The following MAEA variants were observed in gnomAD, a reference collection of about 807,000 sequenced individuals.
The protein encoded by MAEA is E3 ubiquitin-protein transferase MAEA.
MAEA carries 22 observed loss-of-function variants against 46.2 expected under a neutral mutation model. The observed-to-expected ratio is 0.48, with a 90% CI of 0.34 to 0.68. The LOEUF is 0.68. MAEA is among the 30% of genes least tolerant of loss of function. The pLI is 0.01. For synonymous variants in MAEA, 246 were observed against 222.6 expected (o/e 1.11, Z -0.94); for missense variants, 393 against 558.1 (o/e 0.70, Z 2.98).
chr4:1,334,785 C>A, intron 6 of MAEA: 1 of 790,896 alleles, frequency 1.3e-6, no homozygotes, highest in Non-Finnish European at 1.5e-6. Context: ...CAGAAGCCAC[C>A]AGAAGCCCAG....
chr4:1,336,784 C>T, intron 6 of MAEA, 77 bp from the exon 7 acceptor site: 1 of 1,462,836 alleles, frequency 6.8e-7, no homozygotes. Flanking sequence ...ACCTGCTTCA[C>T]CATGGTCCAC....
At chr4:1,293,230 A>G (rs1734293205) in intron 1 of MAEA, among the ~76,000 whole-genome samples, 1 of 151,562 alleles carries the variant, frequency 6.6e-6, no homozygotes, top group South Asian at 2.1e-4. Flanking sequence ...TTCTGATTAT[A>G]AAAGTAATTT....
At chr4:1,328,657 AC>A in intron 5 of MAEA, 1 of 1,278,576 alleles carries the variant, frequency 7.8e-7, no homozygotes, top group South Asian at 1.3e-5. Flanking sequence ...CGAGTGTTCC[AC>A]AGAAGGCCCA....
chr4:1,310,690 T>A (rs1187541928), intron 1 of MAEA, among the ~76,000 whole-genome samples: 2 of 152,224 alleles, frequency 1.3e-5, no homozygotes, highest in African/African-American at 4.8e-5. Context: ...GTGTGCACCC[T>A]GTCACCCGCG....
chr4:1,336,807 TC>T lies in MAEA; in HGVS notation c.766-51del, dbSNP rs139049835. 6,585 of 1,578,148 alleles carry T rather than the reference TC, an allele frequency of 4.2e-3. 198 individuals are homozygous for T. In the African/African-American group the frequency reaches 0.072, roughly 17 times the overall value. ...CACCATGGTCCACGTTTTTAAGCTG[TC>T]CCAGGAGCTTCCCTGGGAGCATCCC... On this transcript the variant is annotated intron_variant, in intron 6 of 8. Transcript: ENST00000303400.
At chr4:1,310,195 G>C (rs1460595197) in intron 1 of MAEA, among the ~76,000 whole-genome samples, 1 of 152,222 alleles carries the variant, frequency 6.6e-6, no homozygotes, top group Non-Finnish European at 1.5e-5. Flanking sequence ...TCCAGTGGGA[G>C]AGTCCTGCAG....
At chr4:1,334,461 G>A (rs1315659902) in intron 6 of MAEA, among the ~76,000 whole-genome samples, 2 of 152,198 alleles carry the variant, frequency 1.3e-5, no homozygotes, top group Non-Finnish European at 2.9e-5. Context: ...GATCTTCAGG[G>A]GTGGGGTCTG....
At chr4:1,329,080 G>C in intron 5 of MAEA, 4 of 985,798 alleles carry the variant, frequency 4.1e-6, no homozygotes, top group Non-Finnish European at 4.8e-6. Flanking sequence ...GTCTCCTTGA[G>C]GGCCCCGGCC....
At chr4:1,327,983 G>A (rs973500182) in intron 5 of MAEA, among the ~76,000 whole-genome samples, 1 of 152,214 alleles carries the variant, frequency 6.6e-6, no homozygotes, top group African/African-American at 2.4e-5. Context: ...TTGAGGTCCC[G>A]ACCGTCCACG....
chr4:1,317,825 G>T (rs781403927), intron 3 of MAEA, among the ~76,000 whole-genome samples: 10 of 152,186 alleles, frequency 6.6e-5, no homozygotes, highest in Non-Finnish European at 1.3e-4. Flanking sequence ...CTGCAGTCTT[G>T]TTGAGTTTCC....
At chr4:1,294,977 G>A (rs1027532168) in intron 1 of MAEA, among the ~76,000 whole-genome samples, 2 of 152,150 alleles carry the variant, frequency 1.3e-5, no homozygotes, top group Admixed American at 1.3e-4. Context: ...GCACCATTGG[G>A]GTGATGTGGC....
At chr4:1,329,528 G>A in intron 5 of MAEA, 1 of 985,342 alleles carries the variant, frequency 1.0e-6, no homozygotes, top group Non-Finnish European at 1.2e-6. Context: ...AGCCAGCCGG[G>A]CAGGCATGGC....
At chr4:1,332,945 A>G in intron 6 of MAEA, 80 bp downstream of exon 6, 2 of 1,082,288 alleles carry the variant, frequency 1.8e-6, no homozygotes, top group South Asian at 3.0e-5. Context: ...CTGCTTCCAC[A>G]CGTGGGGCGG....
At chr4:1,337,029 T>G in intron 7 of MAEA, 35 bp downstream of exon 7, 1 of 1,608,596 alleles carries the variant, frequency 6.2e-7, no homozygotes, top group South Asian at 1.1e-5. Context: ...CGGTTTGGCC[T>G]GGGGTTGGCA....
rs148934330 is a variant in MAEA at position 1,293,504 on chromosome 4, G to A, written c.69+3522G>A. On this transcript the variant is annotated intron_variant, in intron 1 of 8. Coordinates refer to ENST00000303400, the MANE Select transcript of MAEA (RefSeq NM_001017405.3). The stretch of plus-strand genomic sequence containing the variant: ...TCCTACTATTTCCCTTCAGATAGCC[G>A]AAGAAAAATAATAGTTTAGAGAATT... Among the ~76,000 whole-genome samples, 647 of 152,312 alleles carry A rather than the reference G, an allele frequency of 4.2e-3. 7 individuals carry two copies. Among genetic ancestry groups the A allele is most frequent in the African/African-American group, 0.014 (591 of 41,574 alleles).
At chr4:1,312,294 G>C in intron 2 of MAEA, 133 bp downstream of exon 2, 3 of 984,304 alleles carry the variant, frequency 3.0e-6, no homozygotes, top group South Asian at 1.6e-5. Flanking sequence ...CTTCCCTGCT[G>C]TCTGCCTTCT....
intron 6 of MAEA, chr4:1,334,727 C>A: frequency 3.3e-6 from 1 of 299,448 alleles, no homozygotes; most frequent in Non-Finnish European, 4.9e-6. Flanking sequence ...GGCCCCGTTG[C>A]CATGGGTCAG....
In MAEA at chr4:1,339,439, A is replaced by G. The variant is rs867017612; in HGVS notation, c.*270A>G. ...CAACTTGCGAAGGAAACTCTTCTTT[A>G]AAGACTGACCTAAACACCGAGGGAA... On this transcript the variant is annotated 3_prime_UTR_variant, in exon 9 of 9. Transcript: ENST00000303400. The G allele has an allele frequency of 8.0e-6, 4 of 500,072 alleles. No individual in the cohort carries two copies. The highest frequency in any genetic ancestry group is 3.9e-5 in the African/African-American group (2 of 51,350). 31.0% of individuals were successfully genotyped at this position (500,072 alleles called of 1,614,324 possible).
intron 3 of MAEA, among the ~76,000 whole-genome samples, chr4:1,321,520 A>G (rs1738101456): frequency 6.6e-6 from 1 of 152,240 alleles, no homozygotes; most frequent in Non-Finnish European, 1.5e-5. Context: ...GGGTTTCAGA[A>G]AAGAGTAATC....
Sources: gnomAD v4.1 joint callset for allele counts (sites outside exome capture counted in the v4.1 genomes callset) on GRCh38, gnomAD v4.1.1 for gene constraint, MANE v1.5 for transcripts, NCBI Gene and HGNC (gene_info 2026-07-23, HGNC 2026-07-21) for gene names.